The following SF1 variants were observed in gnomAD, a reference collection of about 807,000 sequenced individuals.
The protein encoded by SF1 is splicing factor 1, also known as branch point-binding protein.
Under a neutral mutation model 62.5 loss-of-function variants are expected in SF1, and 7 were observed. That is an observed-to-expected ratio of 0.11 (90% CI 0.06 to 0.21). SF1 has a LOEUF of 0.21. SF1 is among the 10% of genes least tolerant of loss of function. The pLI is 1.00. For missense variants in SF1, 578 were observed against 884.0 expected (o/e 0.65, Z 4.39); for synonymous variants, 394 against 323.6 (o/e 1.22, Z -2.33).
At position 64,765,881 on chromosome 11, in the gene SF1, C is replaced by A; in HGVS notation, c.1857G>T (p.Gly619=). 1.3e-6 allele frequency: 2 copies of A among 1,564,502 alleles called. No individual in the cohort carries two copies. Among genetic ancestry groups the A allele is most frequent in the East Asian group, 2.4e-5 (1 of 42,374 alleles). The change falls in exon 13 of 13, where the codon GGG becomes GGT. Residue 619 remains glycine (G), a synonymous_variant. Transcript: ENST00000377390. ...PSNFVTMMGM[G]VAGMPPFGMP... ...TCCCGAAGGGCGGCATGCCCGCCAC[C>A]CCCATGCCCATCATGGTGACAAAGT... is the stretch of plus-strand genomic sequence containing the variant.
At chr11:64,778,243 G>C in intron 1 of SF1, 119 bp downstream of exon 1, 2 of 1,201,696 alleles carry the variant, frequency 1.7e-6, no homozygotes, top group Non-Finnish European at 2.1e-6. Context: ...CCACGGGCGG[G>C]GGCGGCGGCG....
chr11:64,773,389 G>A (rs771690995), intron 3 of SF1, 41 bp downstream of exon 3: 2 of 1,606,010 alleles, frequency 1.2e-6, no homozygotes, highest in Non-Finnish European at 1.7e-6. Flanking sequence ...TGAGAAAAAG[G>A]TAAAAGCGTT....
rs758253115 is a variant in SF1, at chr11:64,768,095, C to T, written c.1068+11G>A. On this transcript the variant is annotated intron_variant, in intron 9 of 12. Transcript: ENST00000377390. ...GGAAGCCAGACCAAGAGAGCCAGCCCCCAGGCTCACCGGTGGAGGTGGGTT... is the reference window on the plus strand; with the variant it reads ...GGAAGCCAGACCAAGAGAGCCAGCCTCCAGGCTCACCGGTGGAGGTGGGTT... 6.2e-7 allele frequency: 1 copy of T among 1,605,406 alleles called. No individual in the cohort carries two copies. The highest frequency in any genetic ancestry group is 8.5e-7 in the Non-Finnish European group (1 of 1,175,870).
At chr11:64,775,748 T>C (rs1939117300) in intron 2 of SF1, among the ~76,000 whole-genome samples, 1 of 152,182 alleles carries the variant, frequency 6.6e-6, no homozygotes, top group African/African-American at 2.4e-5. Context: ...AAACTTTTTT[T>C]TCCAAAAAAG....
At chr11:64,766,494 T>C in intron 12 of SF1, 1 of 462,364 alleles carries the variant, frequency 2.2e-6, no homozygotes, top group South Asian at 2.8e-5. Context: ...AGGCCACAGC[T>C]GCTGTCTCCC....
chr11:64,777,915 C>T, intron 1 of SF1: 3 of 962,556 alleles, frequency 3.1e-6, no homozygotes, highest in African/African-American at 1.8e-5. Context: ...CCGCCGTCGC[C>T]GCCGCCGCGC....
intron 5 of SF1, 21 bp downstream of exon 5, chr11:64,769,943 T>C (rs1938040175): frequency 6.3e-7 from 1 of 1,576,608 alleles, no homozygotes; most frequent in Non-Finnish European, 8.7e-7. Flanking sequence ...TTCTATATCC[T>C]ATAGACCAGC....
At chr11:64,771,932 T>C in intron 3 of SF1, 1 of 985,418 alleles carries the variant, frequency 1.0e-6, no homozygotes. Flanking sequence ...GGAAAAACCC[T>C]GCTCTGGTTT....
intron 1 of SF1, 27 bp from the exon 2 acceptor site, chr11:64,776,653 G>C (rs770379118): frequency 6.2e-7 from 1 of 1,603,200 alleles, no homozygotes; most frequent in Non-Finnish European, 8.5e-7. Context: ...AAATCCATCC[G>C]ATGTAAATAC....
chr11:64,766,377 G>A, intron 12 of SF1: 2 of 582,450 alleles, frequency 3.4e-6, no homozygotes, highest in Non-Finnish European at 6.1e-6. Flanking sequence ...TAAGCCCTTT[G>A]TCACCAATGC....
At chr11:64,778,311 A>G in intron 1 of SF1, 51 bp downstream of exon 1, 1 of 1,218,938 alleles carries the variant, frequency 8.2e-7, no homozygotes. Flanking sequence ...CCCGGCTCGA[A>G]GCCTCCTTTG....
At position 64,766,138 on chromosome 11, in the gene SF1, T is replaced by C. The variant is rs1166219223; in HGVS notation, c.1600A>G (p.Thr534Ala). The change falls in exon 13 of 13, where the codon ACG becomes GCG. Residue 534 changes from threonine to alanine, a missense_variant. Physicochemically the swap from Thr to Ala is moderately conservative, Grantham distance 58. Coordinates refer to ENST00000377390, the MANE Select transcript of SF1 (RefSeq NM_004630.4). ...GGGATGGACCCTGTGCCAGCGCTCG[T>C]GGTGGTAGTCGTCGTATCTGGGGTG... is the stretch of plus-strand genomic sequence containing the variant. ...PWQQNTTTTT[T>A]SAGTGSIPPW... The C allele has an allele frequency of 1.2e-6, 2 of 1,606,616 alleles. No individual in the cohort carries two copies. The highest frequency in any genetic ancestry group is 2.7e-5 in the African/African-American group (2 of 74,640).
intron 1 of SF1, among the ~76,000 whole-genome samples, chr11:64,777,059 A>T (rs1939390921): frequency 6.6e-6 from 1 of 152,132 alleles, no homozygotes; most frequent in Non-Finnish European, 1.5e-5. Flanking sequence ...CTCACCAGTC[A>T]CTTTTGTACG....
intron 2 of SF1, chr11:64,776,262 A>C: frequency 2.2e-6 from 1 of 455,614 alleles, no homozygotes; most frequent in South Asian, 2.1e-5. Context: ...CTTACTCCTA[A>C]GTGAAACCCT....
chr11:64,767,015 G>A lies in SF1; in HGVS notation c.1467C>T (p.Pro489=), dbSNP rs1303026778. 1.3e-6 allele frequency: 2 copies of A among 1,546,536 alleles called. No homozygotes were observed. Among genetic ancestry groups the A allele is most frequent in the African/African-American group, 1.4e-5 (1 of 72,970 alleles). The change falls in exon 12 of 13, where the codon CCC becomes CCT. Residue 489 remains proline (P), a synonymous_variant. Transcript: ENST00000377390. ...PPPPPPPSGQ[P]PPPPSGPLPP... ...GAAGAGGACCAGAGGGAGGGGGTGGGGGCTGCCCACTGGGAGGCGGCGGCG... is the reference window on the plus strand; with the variant it reads ...GAAGAGGACCAGAGGGAGGGGGTGGAGGCTGCCCACTGGGAGGCGGCGGCG...
intron 3 of SF1, chr11:64,771,404 A>T: frequency 2.1e-6 from 2 of 941,246 alleles, no homozygotes; most frequent in Non-Finnish European, 2.5e-6. Flanking sequence ...CAAGAAGGGA[A>T]GAGACCATGT....
intron 8 of SF1, among the ~76,000 whole-genome samples, chr11:64,768,773 T>C (rs949715961): frequency 2.0e-5 from 3 of 152,214 alleles, no homozygotes; most frequent in African/African-American, 4.8e-5. Context: ...AGCAGTGAAT[T>C]TCCTATTGAG....
chr11:64,765,552 T>A lies in SF1; in HGVS notation c.*266A>T. ...CCGGTTTGGGGAGAGGCAAAGGGAG[T>A]TGGGTGAGGAGAGAAAGAAGACAAA... On this transcript the variant is annotated 3_prime_UTR_variant, in exon 13 of 13. Coordinates refer to ENST00000377390, the MANE Select transcript of SF1 (RefSeq NM_004630.4). 1.3e-6 allele frequency: 2 copies of A among 1,574,920 alleles called. No individual in the cohort carries two copies. Among genetic ancestry groups the A allele is most frequent in the South Asian group, 2.3e-5 (2 of 86,014 alleles).
chr11:64,767,453 C>T, intron 10 of SF1, 118 bp downstream of exon 10: 1 of 1,180,194 alleles, frequency 8.5e-7, no homozygotes, highest in Non-Finnish European at 1.2e-6. Context: ...CCCTGGCAAG[C>T]CAGGCAGACC....
Sources: allele counts gnomAD v4.1 joint callset (sites outside exome capture counted in the v4.1 genomes callset), GRCh38; gene constraint gnomAD v4.1.1; transcripts MANE v1.5; gene names NCBI Gene and HGNC (gene_info 2026-07-23, HGNC 2026-07-21).